RALGPS2: variants seen among roughly 807,000 people sequenced by gnomAD.
RALGPS2 encodes Ral GEF with PH domain and SH3 binding motif 2.
In RALGPS2, 43 loss-of-function variants were observed where a neutral mutation model predicts 86.8. That is an observed-to-expected ratio of 0.50 (90% CI 0.39 to 0.64). RALGPS2 has a LOEUF of 0.64. Among genes scored for constraint, RALGPS2 ranks in the 30% least tolerant of loss-of-function variants. The pLI is 0.00. For synonymous variants in RALGPS2, 243 were observed against 231.3 expected (o/e 1.05, Z -0.46); for missense variants, 536 against 694.6 (o/e 0.77, Z 2.57).
chr1:178,863,222 T>C (rs1219004617), intron 8 of RALGPS2, among the ~76,000 whole-genome samples: 1 of 151,838 alleles, frequency 6.6e-6, no homozygotes, highest in Non-Finnish European at 1.5e-5. Context: ...GGGACATGAG[T>C]AGAATTCAGT....
Position 178,921,554 on chromosome 1 carries a change from G to C in RALGPS2, c.*5195G>C, listed in dbSNP as rs898915698. The C allele has an allele frequency of 1.3e-5, 2 of 151,982 alleles. No individual in the cohort carries two copies. The highest frequency in any genetic ancestry group is 6.6e-5 in the Admixed American group (1 of 15,236). The allele number at this position is 151,982 out of a possible 1,614,324, so 9.4% of individuals were successfully genotyped here. ...CTGGTTCACAACATAATCTGAAGGA[G>C]ATCAAACATCTGTAAGGACAGGTAC... is the stretch of plus-strand genomic sequence containing the variant. On this transcript the variant is annotated 3_prime_UTR_variant, in exon 20 of 20. Transcript: ENST00000367635.
intron 7 of RALGPS2, 23 bp downstream of exon 7, chr1:178,821,727 TG>T: frequency 6.5e-7 from 1 of 1,544,028 alleles, no homozygotes; most frequent in Non-Finnish European, 8.9e-7. Context: ...CTTTAGTTAA[TG>T]AAAGGTTAGA....
chr1:178,873,359 C>T (rs553310362), intron 8 of RALGPS2, among the ~76,000 whole-genome samples: 9 of 152,062 alleles, frequency 5.9e-5, no homozygotes, highest in East Asian at 5.8e-4. Context: ...GAAATATATA[C>T]GTTTAACCTT....
At chr1:178,868,547 A>G (rs192976712) in intron 8 of RALGPS2, among the ~76,000 whole-genome samples, 3 of 152,168 alleles carry the variant, frequency 2.0e-5, no homozygotes, top group East Asian at 1.9e-4. Flanking sequence ...AACAGCTTGT[A>G]TTAATACCAG....
intron 8 of RALGPS2, chr1:178,865,692 T>C: frequency 6.2e-7 from 1 of 1,614,072 alleles, no homozygotes; most frequent in South Asian, 1.1e-5. Flanking sequence ...TTTATTTTTT[T>C]AATTTTGAAT....
chr1:178,761,487 C>T (rs1030274412), intron 1 of RALGPS2, among the ~76,000 whole-genome samples: 1 of 151,512 alleles, frequency 6.6e-6, no homozygotes, highest in African/African-American at 2.4e-5. Flanking sequence ...GTTTGAGAGT[C>T]TCGTCTCTAA....
At chr1:178,890,204 C>G (rs951938854) in intron 14 of RALGPS2, among the ~76,000 whole-genome samples, 6 of 151,860 alleles carry the variant, frequency 4.0e-5, no homozygotes, top group African/African-American at 1.4e-4. Flanking sequence ...CTAAGTTGTG[C>G]TCCCTTCTCC....
chr1:178,905,040 T>C (rs1660334451), intron 18 of RALGPS2, among the ~76,000 whole-genome samples: 1 of 152,176 alleles, frequency 6.6e-6, no homozygotes, highest in African/African-American at 2.4e-5. Context: ...CAGTGTTTTG[T>C]AGTTTCCTTG....
chr1:178,891,889 C>T (rs529870729), intron 14 of RALGPS2, among the ~76,000 whole-genome samples: 1 of 147,808 alleles, frequency 6.8e-6, no homozygotes, highest in African/African-American at 2.6e-5. Context: ...GGTATAGAAA[C>T]GTAAGAATTT....
rs140440012 is a variant in RALGPS2, at chr1:178,903,901, CT to C, written c.1630+1694del. 6.7e-3 allele frequency among the ~76,000 whole-genome samples: 1,015 copies of C among 152,254 alleles called. 9 individuals are homozygous for C. The highest frequency in any genetic ancestry group is 0.023 in the African/African-American group (937 of 41,556). On this transcript the variant is annotated intron_variant, in intron 18 of 19. Coordinates refer to ENST00000367635, the MANE Select transcript of RALGPS2 (RefSeq NM_152663.5). ...ATTGCTGGATCAAATGGTAGTTCTACTTTTAGTTCCTCAGGGAATCTCCACA... is the reference window on the plus strand; with the variant it reads ...ATTGCTGGATCAAATGGTAGTTCTACTTTAGTTCCTCAGGGAATCTCCACA...
At chr1:178,823,280 T>A (rs923447855) in intron 7 of RALGPS2, among the ~76,000 whole-genome samples, 3 of 152,250 alleles carry the variant, frequency 2.0e-5, no homozygotes, top group Non-Finnish European at 2.9e-5. Flanking sequence ...TGAATAAAAC[T>A]TTTGATGGTT....
chr1:178,865,136 G>C lies in RALGPS2; in HGVS notation c.608-12362G>C, dbSNP rs144366166. 8.8e-5 allele frequency: 141 copies of C among 1,595,294 alleles called. 1 individual carries two copies. Among genetic ancestry groups the C allele is most frequent in the Admixed American group, 1.7e-4 (10 of 59,376 alleles). ...ATGTTGTGGCACCACCTGGACAAGTGGGGGAGACACATGGGTGTCTTGTCG... is the reference window on the plus strand; with the variant it reads ...ATGTTGTGGCACCACCTGGACAAGTCGGGGAGACACATGGGTGTCTTGTCG... On this transcript the variant is annotated intron_variant, in intron 8 of 19. Transcript: ENST00000367635.
At chr1:178,828,343 C>T (rs1218801455) in intron 7 of RALGPS2, among the ~76,000 whole-genome samples, 2 of 152,208 alleles carry the variant, frequency 1.3e-5, no homozygotes, top group East Asian at 1.9e-4. Flanking sequence ...CTACAATACA[C>T]CTAGGCTATA....
chr1:178,734,384 T>C (rs539139391), intron 1 of RALGPS2, among the ~76,000 whole-genome samples: 11 of 152,316 alleles, frequency 7.2e-5, no homozygotes, highest in African/African-American at 2.6e-4. Flanking sequence ...AACAGATAAG[T>C]GGCTTAGGCC....
At chr1:178,910,522 A>G (rs1464543392) in intron 19 of RALGPS2, among the ~76,000 whole-genome samples, 2 of 152,110 alleles carry the variant, frequency 1.3e-5, no homozygotes, top group African/African-American at 2.4e-5. Context: ...AGATGATCAT[A>G]TGGTTTTCTG....
intron 15 of RALGPS2, 78 bp downstream of exon 15, chr1:178,892,385 G>A (rs1265676443): frequency 1.3e-5 from 16 of 1,191,488 alleles, no homozygotes; most frequent in South Asian, 4.3e-5. Flanking sequence ...GTGGTCTGAC[G>A]TTATTTCTTT....
intron 8 of RALGPS2, chr1:178,850,940 A>G: frequency 2.2e-6 from 1 of 459,856 alleles, no homozygotes; most frequent in Non-Finnish European, 3.7e-6. Flanking sequence ...GATACACATA[A>G]TTTTCTGCAG....
At chr1:178,877,297 G>A (rs1193252733) in intron 8 of RALGPS2, among the ~76,000 whole-genome samples, 1 of 151,940 alleles carries the variant, frequency 6.6e-6, no homozygotes, top group African/African-American at 2.4e-5. Context: ...ACAAAAAATT[G>A]GTATATGTCT....
intron 1 of RALGPS2, among the ~76,000 whole-genome samples, chr1:178,752,366 G>C (rs1411111269): frequency 7.0e-6 from 1 of 142,828 alleles, no homozygotes; most frequent in East Asian, 2.0e-4. Flanking sequence ...GTCTCACTTT[G>C]TTGCCTAGGC....
Sources: allele counts gnomAD v4.1 joint callset (sites outside exome capture counted in the v4.1 genomes callset), GRCh38; gene constraint gnomAD v4.1.1; transcripts MANE v1.5; gene names NCBI Gene and HGNC (gene_info 2026-07-23, HGNC 2026-07-21).